Variants in OR8B2 observed in about 807,000 individuals in gnomAD.
The protein encoded by OR8B2 is olfactory receptor family 8 subfamily B member 2.
For missense variants in OR8B2, 304 were observed against 379.6 expected, an observed-to-expected ratio of 0.80 and a Z score of 1.65; for synonymous variants, 98 against 138.2, an observed-to-expected ratio of 0.71 and a Z score of 2.04.
At chr11:124,389,185 C>G (rs1468292775), upstream of OR8B2, among the ~76,000 whole-genome samples, 1 of 152,080 alleles carries the variant, frequency 6.6e-6, no homozygotes, top group African/African-American at 2.4e-5. Context: ...CCAGACACCC[C>G]TATCTCACAT....
upstream of OR8B2, among the ~76,000 whole-genome samples, chr11:124,388,782 C>T (rs1322452382): frequency 6.6e-6 from 1 of 151,322 alleles, no homozygotes; most frequent in Admixed American, 6.6e-5. Flanking sequence ...AAAATTGAAA[C>T]TTGTACCTCC....
At chr11:124,397,215 A>T in the OR8B2 span, 1 of 1,610,228 alleles carries the variant, frequency 6.2e-7, no homozygotes, top group Non-Finnish European at 8.5e-7. Context: ...GAAAAGAATG[A>T]TCAAGCCAAG....
the OR8B2 span, chr11:124,396,423 C>A: frequency 2.5e-6 from 4 of 1,599,646 alleles, no homozygotes; most frequent in Non-Finnish European, 3.4e-6. Context: ...GAATATATTT[C>A]TTCTCTGAAT....
At chr11:124,385,207 T>C (rs1860679215), upstream of OR8B2, among the ~76,000 whole-genome samples, 2 of 152,126 alleles carry the variant, frequency 1.3e-5, no homozygotes, top group South Asian at 4.1e-4. Context: ...GTAAGAAAAA[T>C]CACTAATCAT....
At chr11:124,396,372 A>C in the OR8B2 span, 2 of 1,529,688 alleles carry the variant, frequency 1.3e-6, no homozygotes, top group African/African-American at 2.8e-5. Context: ...ATAAAAATTT[A>C]AAGTTCTTCA....
At chr11:124,396,148 A>T in the OR8B2 span, 1 of 360,102 alleles carries the variant, frequency 2.8e-6, no homozygotes, top group Non-Finnish European at 4.9e-6. Flanking sequence ...CCCAGGAGAG[A>T]GGAAGGATAT....
chr11:124,394,558 C>A, the OR8B2 span, among the ~76,000 whole-genome samples: 1 of 152,110 alleles, frequency 6.6e-6, no homozygotes, highest in Non-Finnish European at 1.5e-5. Flanking sequence ...AGTCTCTAAG[C>A]AAAGATTTCC....
the OR8B2 span, among the ~76,000 whole-genome samples, chr11:124,393,183 C>G: frequency 1.4e-5 from 2 of 147,224 alleles, no homozygotes. Context: ...CTAGGCATTA[C>G]CATTCAGGAC....
the OR8B2 span, among the ~76,000 whole-genome samples, chr11:124,391,080 A>G: frequency 3.3e-5 from 5 of 152,194 alleles, no homozygotes; most frequent in Non-Finnish European, 7.4e-5. Context: ...CTGCTATTCT[A>G]TCTCATAGAC....
At chr11:124,386,254 T>A (rs1177776255), upstream of OR8B2, among the ~76,000 whole-genome samples, 27 of 152,064 alleles carry the variant, frequency 1.8e-4, no homozygotes, top group East Asian at 3.1e-3. Flanking sequence ...TTGCTTCATT[T>A]TTTTATTTTA....
At chr11:124,394,306 A>G in the OR8B2 span, among the ~76,000 whole-genome samples, 49,692 of 151,486 alleles carry the variant, frequency 0.33, 8,222 homozygotes, top group African/African-American at 0.4. Flanking sequence ...ATCAGCTAAT[A>G]TAAGTCTGCT....
chr11:124,391,566 A>AG, the OR8B2 span, among the ~76,000 whole-genome samples: 1 of 152,182 alleles, frequency 6.6e-6, no homozygotes, highest in Non-Finnish European at 1.5e-5. Flanking sequence ...CTAAACCAGG[A>AG]AGAAGTTGAA....
the OR8B2 span, among the ~76,000 whole-genome samples, chr11:124,393,382 C>G: frequency 4.7e-5 from 7 of 149,132 alleles, no homozygotes; most frequent in South Asian, 1.3e-3. Context: ...GGGCTAATAT[C>G]CAGAATCTAC....
In OR8B2 at chr11:124,382,795, G is replaced by T. The variant is rs765777790; in HGVS notation, c.549C>A (p.Pro183=). 27 of 1,604,498 alleles carry T rather than the reference G, an allele frequency of 1.7e-5. No homozygotes were observed. The highest frequency in any genetic ancestry group is 2.0e-5 in the Non-Finnish European group (23 of 1,172,072). Residue 183 remains proline (P), a synonymous_variant, in exon 2 of 2, where the codon CCC becomes CCA. Transcript: ENST00000641451. ...TGCTGGTGCAGGAAAGCTGGAGGAG[G>T]GGGAGTATGTCACACAAGTAATGGT... The part of the protein sequence containing the change: ...IINHYLCDIL[P]LLQLSCTSTY...
the OR8B2 span, among the ~76,000 whole-genome samples, chr11:124,394,132 C>T: frequency 6.7e-6 from 1 of 148,498 alleles, no homozygotes; most frequent in Non-Finnish European, 1.5e-5. Context: ...GGAGGGTTAG[C>T]ACGAGATATA....
At chr11:124,397,105 T>C in the OR8B2 span, 1 of 1,613,702 alleles carries the variant, frequency 6.2e-7, no homozygotes, top group Non-Finnish European at 8.5e-7. Flanking sequence ...ACAAAGTTCA[T>C]TAGCATTTTG....
upstream of OR8B2, among the ~76,000 whole-genome samples, chr11:124,387,018 G>A (rs1860713827): frequency 6.6e-6 from 1 of 152,216 alleles, no homozygotes; most frequent in Admixed American, 6.5e-5. Context: ...GTGATGGTGA[G>A]TATTTTTTCA....
In OR8B2 at chr11:124,383,362, T is replaced by C. The variant is rs569901512; in HGVS notation, c.-17-2A>G. The C allele has an allele frequency of 1.9e-6, 3 of 1,557,352 alleles. No homozygotes were observed. In the African/African-American group the frequency reaches 4.1e-5, roughly 22 times the overall value. ...CCAGCATTTTTTGTCTTCAAAAATC[T>C]GGGAAGACAAAAGAAAATTCTATTA... On this transcript the variant is annotated splice_acceptor_variant, in intron 1 of 1. Transcript: ENST00000641451. LOFTEE classifies it low-confidence loss of function (5UTR_SPLICE).
rs773086403 is a variant in OR8B2, at chr11:124,383,147, A to G, written c.197T>C (p.Leu66Pro). The G allele has an allele frequency of 3.3e-5, 53 of 1,613,806 alleles. No homozygotes were observed. The highest frequency in any genetic ancestry group is 3.6e-5 in the Non-Finnish European group (42 of 1,179,844). ...HTPMYYFLFN[L>P]SFIDLCYSSV... is the part of the protein sequence containing the mutation. Reference sequence around the variant, plus strand: ...GGAGTAACAGAGATCAATGAAGGAGAGATTGAAGAGGAAATAGTACATTGG... The same window carrying G: ...GGAGTAACAGAGATCAATGAAGGAGGGATTGAAGAGGAAATAGTACATTGG... The change falls in exon 2 of 2, where the codon CTC (leucine) becomes CCC (proline). Residue 66 changes from leucine (L) to proline (P), a missense_variant. Physicochemically the swap from Leu to Pro is moderately conservative, Grantham distance 98. Transcript: ENST00000641451.
Sources: gnomAD v4.1 joint callset for allele counts (sites outside exome capture counted in the v4.1 genomes callset) on GRCh38, gnomAD v4.1.1 for gene constraint, MANE v1.5 for transcripts, NCBI Gene and HGNC (gene_info 2026-07-23, HGNC 2026-07-21) for gene names.